Variants in ETS2 observed in about 807,000 individuals in gnomAD.
ETS2 encodes the protein ETS proto-oncogene 2, transcription factor.
Under a neutral mutation model 54.9 loss-of-function variants are expected in ETS2, and 19 were observed. The ratio of observed to expected loss-of-function variants is 0.35; its 90% confidence interval spans 0.24 to 0.51. The LOEUF is 0.51. Ranked by LOEUF, ETS2 falls within the 20% of genes least tolerant of loss-of-function variation. ETS2 has a pLI of 0.97. For missense variants in ETS2, 417 were observed against 593.0 expected (o/e 0.70, Z 3.08); for synonymous variants, 219 against 229.3 (o/e 0.95, Z 0.41).
At chr21:38,815,220 C>A (rs1395279600) in intron 5 of ETS2, among the ~76,000 whole-genome samples, 6 of 151,572 alleles carry the variant, frequency 4.0e-5, no homozygotes, top group Non-Finnish European at 8.8e-5. Context: ...TCAAGTATAG[C>A]CACAAGGTAG....
At chr21:38,816,836 G>A (rs753135993) in intron 5 of ETS2, among the ~76,000 whole-genome samples, 172 bp from the exon 6 acceptor site, 83 of 152,176 alleles carry the variant, frequency 5.5e-4, no homozygotes, top group African/African-American at 1.6e-3. Context: ...GCTTTCTCTC[G>A]TTTTTTGAAA....
chr21:38,817,991 G>T lies in ETS2; in HGVS notation c.590-434G>T, dbSNP rs2060942005. Among the ~76,000 whole-genome samples the T allele has an allele frequency of 1.3e-5, 2 of 152,322 alleles. 1 individual carries two copies. The highest frequency in any genetic ancestry group is 4.8e-5 in the African/African-American group (2 of 41,558). On this transcript the variant is annotated intron_variant, in intron 6 of 9. Transcript: ENST00000360938. Reference sequence around the variant, plus strand: ...TCTGCAATGAACAGAGACAGGAGCGGTGTGATGAAGGAGCAGAAAGCAGAG... The same window carrying T: ...TCTGCAATGAACAGAGACAGGAGCGTTGTGATGAAGGAGCAGAAAGCAGAG...
intron 2 of ETS2, among the ~76,000 whole-genome samples, chr21:38,811,983 TG>T (rs1362650141): frequency 1.3e-5 from 2 of 152,192 alleles, no homozygotes; most frequent in Non-Finnish European, 2.9e-5. Flanking sequence ...CATAAAGCAC[TG>T]GGGTTACAGG....
Position 38,819,676 on chromosome 21 carries a change from A to T in ETS2, c.985A>T (p.Met329Leu). ...GTCTCTCTGCCTCAATAAGCCAACC[A>T]TGTCTTTCAAGGATTACATCCAAGA... ...SQSLCLNKPT[M>L]SFKDYIQERS... The change falls in exon 8 of 10, where the codon ATG (methionine) becomes TTG (leucine). Residue 329 changes from methionine (M) to leucine (L), a missense_variant. Transcript: ENST00000360938. 1 of 1,614,108 alleles carries T rather than the reference A, an allele frequency of 6.2e-7. No homozygotes were observed. Among genetic ancestry groups the T allele is most frequent in the Non-Finnish European group, 8.5e-7 (1 of 1,179,998 alleles).
At position 38,824,703 on chromosome 21, in the gene ETS2, T is replaced by C. The variant is rs1181778519; in HGVS notation, c.*1814T>C. ...CATCTGTTTATAATATAAACAGACATGTGACTGGGAACATCTTGCTGCCAA... is the reference window on the plus strand; with the variant it reads ...CATCTGTTTATAATATAAACAGACACGTGACTGGGAACATCTTGCTGCCAA... On this transcript the variant is annotated 3_prime_UTR_variant, in exon 10 of 10. Transcript: ENST00000360938. 2 of 152,608 alleles carry C rather than the reference T, an allele frequency of 1.3e-5. No homozygotes were observed. The highest frequency in any genetic ancestry group is 2.4e-5 in the African/African-American group (1 of 41,440). 9.5% of individuals were successfully genotyped at this position (152,608 alleles called of 1,614,324 possible).
chr21:38,811,072 A>T (rs2123409501), intron 2 of ETS2, among the ~76,000 whole-genome samples: 1 of 152,310 alleles, frequency 6.6e-6, no homozygotes, highest in Admixed American at 6.5e-5. Context: ...CCTTCTATTA[A>T]TTCAAATAAT....
rs1394731028 is a variant in ETS2, at chr21:38,814,095, A to G, written c.185-178A>G. On this transcript the variant is annotated intron_variant, in intron 3 of 9. Coordinates refer to ENST00000360938, the MANE Select transcript of ETS2 (RefSeq NM_005239.6). This position sits in a 1 kb window ranked among gnomAD's most constrained non-coding sequence, Gnocchi z 4.2. The stretch of plus-strand genomic sequence containing the variant: ...TTTAATAAGTATAGTTCTGAGATAT[A>G]TATTTTCTCAATTATAGTCAGAAAA... Among the ~76,000 whole-genome samples the G allele has an allele frequency of 6.6e-6, 1 of 152,226 alleles. No individual in the cohort carries two copies.
intron 2 of ETS2, among the ~76,000 whole-genome samples, chr21:38,812,156 C>G (rs1472322890): frequency 6.6e-6 from 1 of 152,234 alleles, no homozygotes. Flanking sequence ...TAAATTGTTT[C>G]ATGGCAAACA....
chr21:38,816,753 G>A (rs949360084), intron 5 of ETS2, among the ~76,000 whole-genome samples: 5 of 152,160 alleles, frequency 3.3e-5, no homozygotes, highest in Non-Finnish European at 7.3e-5. Flanking sequence ...GACCTTTTGC[G>A]ATAGAAAATT....
chr21:38,817,234 C>G (rs1398612953), intron 6 of ETS2, 143 bp downstream of exon 6: 1 of 579,524 alleles, frequency 1.7e-6, no homozygotes, highest in Non-Finnish European at 3.1e-6. Context: ...GAGCTATAAG[C>G]CATTGAAATG....
chr21:38,805,637 C>T (rs1241071409), upstream of ETS2: 1 of 1,211,974 alleles, frequency 8.3e-7, no homozygotes, highest in Non-Finnish European at 1.0e-6. This position sits in a 1 kb window ranked among gnomAD's most constrained non-coding sequence, Gnocchi z 5.2. Context: ...AAGGTGTCAG[C>T]CCCGCCCCGC....
intron 1 of ETS2, among the ~76,000 whole-genome samples, chr21:38,807,937 A>C (rs950377522): frequency 2.0e-5 from 3 of 152,226 alleles, no homozygotes; most frequent in Non-Finnish European, 4.4e-5. Context: ...AGCAGCTACC[A>C]GGACTTATTT....
rs184983267 is a variant in ETS2 at position 38,810,157 on chromosome 21, A to C, written c.72+51A>C. On this transcript the variant is annotated intron_variant, in intron 2 of 9. Transcript: ENST00000360938. The stretch of plus-strand genomic sequence containing the variant: ...TTTTTAATTGGAAAACTCGATCTCT[A>C]GGAGGAAAGAAAAAAAAGGCCTGGG... 1,092 of 1,150,886 alleles carry C rather than the reference A, an allele frequency of 9.5e-4. 9 individuals are homozygous for C. The highest frequency in any genetic ancestry group is 6.1e-4 in the Middle Eastern group (3 of 4,958). The allele number at this position is 1,150,886 out of a possible 1,614,324, so 71.3% of individuals were successfully genotyped here.
chr21:38,809,790 G>A, intron 1 of ETS2: 1 of 366,356 alleles, frequency 2.7e-6, no homozygotes, highest in Non-Finnish European at 4.9e-6. Flanking sequence ...CATCTAAGTG[G>A]AATTCAGTGA....
chr21:38,812,180 G>T (rs1309810535), intron 2 of ETS2, among the ~76,000 whole-genome samples: 1 of 152,140 alleles, frequency 6.6e-6, no homozygotes, highest in Admixed American at 6.5e-5. Flanking sequence ...CAAAATAAAT[G>T]CTTCCAAAGA....
In ETS2 at chr21:38,806,784, G is replaced by T. The variant is rs745751295; in HGVS notation, c.-1+664G>T. ...TGCGCTGGGCTGCCTTTATTTTCTC[G>T]TTCCTACAGCATTTGAATGAAGAGG... On this transcript the variant is annotated intron_variant, in intron 1 of 9. Coordinates refer to ENST00000360938, the MANE Select transcript of ETS2 (RefSeq NM_005239.6). This position sits in a 1 kb window ranked among gnomAD's most constrained non-coding sequence, Gnocchi z 4.3. The T allele has an allele frequency of 1.0e-6, 1 of 985,322 alleles. No homozygotes were observed. Among genetic ancestry groups the T allele is most frequent in the Non-Finnish European group, 1.2e-6 (1 of 829,966 alleles). The allele number at this position is 985,322 out of a possible 1,614,324, so 61.0% of individuals were successfully genotyped here. A position where few individuals can be genotyped will look rare whatever the true frequency, so the allele number is the denominator to read the frequency against.
At chr21:38,820,991 G>A (rs373599748) in intron 8 of ETS2, among the ~76,000 whole-genome samples, 8 of 152,308 alleles carry the variant, frequency 5.3e-5, no homozygotes, top group African/African-American at 1.9e-4. Flanking sequence ...ACAGGTGGAC[G>A]AGAAGCTCTT....
At chr21:38,812,307 T>C (rs2060916813) in intron 2 of ETS2, among the ~76,000 whole-genome samples, 1 of 152,234 alleles carries the variant, frequency 6.6e-6, no homozygotes, top group African/African-American at 2.4e-5. Flanking sequence ...CACAGCCTAG[T>C]TGAATTTTTC....
At chr21:38,816,508 T>C (rs1257869140) in intron 5 of ETS2, among the ~76,000 whole-genome samples, 3 of 152,010 alleles carry the variant, frequency 2.0e-5, no homozygotes, top group Non-Finnish European at 4.4e-5. Context: ...TGCACAAACC[T>C]TTTCCCTTTC....
Sources: allele counts gnomAD v4.1 joint callset (sites outside exome capture counted in the v4.1 genomes callset), GRCh38; gene constraint gnomAD v4.1.1; non-coding constraint Gnocchi (gnomAD v3.1); transcripts MANE v1.5; gene names NCBI Gene and HGNC (gene_info 2026-07-23, HGNC 2026-07-21).